Variants in ZYG11A observed in about 807,000 individuals in gnomAD.
ZYG11A encodes the protein zyg-11 family member A, cell cycle regulator, also known as protein zyg-11 homolog A.
Under a neutral mutation model 77.2 loss-of-function variants are expected in ZYG11A, and 62 were observed. The ratio of observed to expected loss-of-function variants is 0.80; its 90% CI spans 0.65 to 0.99. The LOEUF (loss-of-function observed/expected upper bound fraction) is 0.99. Among genes scored for constraint, ZYG11A ranks in the 50% least tolerant of loss-of-function variants. The probability of loss-of-function intolerance (pLI) is 0.00; values close to 1 mark genes in which losing one functional copy is unlikely to be tolerated. For synonymous variants in ZYG11A, 315 were observed against 324.6 expected (o/e 0.97, Z 0.32); for missense variants, 828 against 896.8 (o/e 0.92, Z 0.98).
intron 8 of ZYG11A, among the ~76,000 whole-genome samples, chr1:52,876,039 G>A (rs1383054895): frequency 1.3e-5 from 2 of 151,842 alleles, no homozygotes; most frequent in African/African-American, 4.8e-5. Flanking sequence ...GCAAATGCAA[G>A]TAGATTGGTA....
chr1:52,857,897 T>A, intron 3 of ZYG11A, 148 bp downstream of exon 3: 5 of 585,132 alleles, frequency 8.5e-6, no homozygotes, highest in Non-Finnish European at 1.4e-5. Context: ...ATGATTATTA[T>A]GTACCTACTA....
chr1:52,869,292 A>C (rs1646092866), intron 8 of ZYG11A, among the ~76,000 whole-genome samples: 1 of 123,134 alleles, frequency 8.1e-6, no homozygotes, highest in African/African-American at 3.2e-5. Context: ...TTTCTCGCAG[A>C]GGGGGATTTG....
intron 1 of ZYG11A, among the ~76,000 whole-genome samples, chr1:52,850,455 A>C (rs567127800): frequency 1.4e-4 from 21 of 151,834 alleles, no homozygotes; most frequent in Non-Finnish European, 2.8e-4. Flanking sequence ...AATAGCTGAG[A>C]TTACAGGTGC....
intron 8 of ZYG11A, among the ~76,000 whole-genome samples, chr1:52,870,196 G>T (rs182519711): frequency 1.5e-5 from 1 of 65,860 alleles, no homozygotes; most frequent in African/African-American, 3.3e-5. Context: ...TGGCGGCCGG[G>T]AAGAGACGCT....
intron 1 of ZYG11A, among the ~76,000 whole-genome samples, chr1:52,850,216 T>C (rs1280392271): frequency 6.6e-6 from 1 of 152,018 alleles, no homozygotes; most frequent in African/African-American, 2.4e-5. Context: ...AGTGGCACAA[T>C]CTCAGCTCAC....
At chr1:52,871,752 A>C (rs562001301) in intron 8 of ZYG11A, among the ~76,000 whole-genome samples, 6 of 152,266 alleles carry the variant, frequency 3.9e-5, no homozygotes, top group African/African-American at 1.4e-4. Context: ...TCTTTTAGTT[A>C]TCCTTATCTA....
intron 1 of ZYG11A, among the ~76,000 whole-genome samples, chr1:52,847,442 G>A (rs754355822): frequency 2.0e-5 from 3 of 151,308 alleles, no homozygotes; most frequent in Non-Finnish European, 4.4e-5. Flanking sequence ...TCAGGTGATC[G>A]GCCCGCCTTG....
intron 1 of ZYG11A, among the ~76,000 whole-genome samples, chr1:52,847,843 T>C (rs1380861335): frequency 3.0e-5 from 2 of 66,384 alleles, no homozygotes; most frequent in Non-Finnish European, 6.4e-5. Context: ...CTAATTTATT[T>C]ATTTATTTAT....
intron 5 of ZYG11A, among the ~76,000 whole-genome samples, chr1:52,864,650 A>T (rs982715341): frequency 6.6e-6 from 1 of 151,182 alleles, no homozygotes. Flanking sequence ...TGAGGCTAAA[A>T]TTTTCTTTTT....
intron 3 of ZYG11A, among the ~76,000 whole-genome samples, chr1:52,859,378 C>T (rs1645879701): frequency 6.6e-6 from 1 of 152,066 alleles, no homozygotes; most frequent in Non-Finnish European, 1.5e-5. Flanking sequence ...CTCTGTCGCC[C>T]AGGCTGGAGT....
At chr1:52,881,287 G>A (rs1377221636) in intron 10 of ZYG11A, 184 bp from the exon 11 acceptor site, 1 of 486,808 alleles carries the variant, frequency 2.1e-6, no homozygotes, top group Non-Finnish European at 3.6e-6. Context: ...AGTGATTGTT[G>A]TTAATGATCA....
chr1:52,860,621 A>T, intron 3 of ZYG11A, 110 bp from the exon 4 acceptor site: 1 of 1,198,832 alleles, frequency 8.3e-7, no homozygotes, highest in Admixed American at 2.4e-5. Context: ...TTAATTGAAC[A>T]TTTGTTGTTA....
At chr1:52,856,022 T>C (rs1286402349) in intron 2 of ZYG11A, among the ~76,000 whole-genome samples, 1 of 152,236 alleles carries the variant, frequency 6.6e-6, no homozygotes, top group Non-Finnish European at 1.5e-5. Flanking sequence ...ACTCATTATC[T>C]TTTTGAGGAA....
rs1236854914 is a variant in ZYG11A at position 52,864,581 on chromosome 1, AAG to A, written c.1326+428_1326+429del. Among the ~76,000 whole-genome samples, 10 of 152,282 alleles carry A rather than the reference AAG, an allele frequency of 6.6e-5. No homozygotes were observed. In the South Asian group the frequency reaches 1.5e-3, roughly 22 times the overall value. On this transcript the variant is annotated intron_variant, in intron 5 of 13. Coordinates refer to ENST00000371528, the MANE Select transcript of ZYG11A (RefSeq NM_001004339.3). ...TTCTGGTTTTTCATCCTATTAGAGAAAGAGAATAGATAAAAGAGTGTGTTTGT... is the reference window on the plus strand; with the variant it reads ...TTCTGGTTTTTCATCCTATTAGAGAAAGAATAGATAAAAGAGTGTGTTTGT...
At position 52,885,152 on chromosome 1, in the gene ZYG11A, T is replaced by C. The variant is rs528168063; in HGVS notation, c.1945-681T>C. On this transcript the variant is annotated intron_variant, in intron 11 of 13. Coordinates refer to ENST00000371528, the MANE Select transcript of ZYG11A (RefSeq NM_001004339.3). Reference sequence around the variant, plus strand: ...CTCAAACTCCTGACCCCAGGTGATCTACCCGCCTTGGCCTCCCAAGTGCTG... The same window carrying C: ...CTCAAACTCCTGACCCCAGGTGATCCACCCGCCTTGGCCTCCCAAGTGCTG... 5.9e-5 allele frequency among the ~76,000 whole-genome samples: 9 copies of C among 152,112 alleles called. No homozygotes were observed. In the South Asian group the frequency reaches 1.9e-3, roughly 32 times the overall value.
At chr1:52,868,196 C>G (rs1646065608) in intron 8 of ZYG11A, among the ~76,000 whole-genome samples, 2 of 151,734 alleles carry the variant, frequency 1.3e-5, no homozygotes, top group Non-Finnish European at 2.9e-5. Context: ...GAACTCCTGA[C>G]CTCGTGATCT....
intron 8 of ZYG11A, among the ~76,000 whole-genome samples, chr1:52,870,269 C>G (rs1032514619): frequency 1.3e-5 from 2 of 148,404 alleles, no homozygotes; most frequent in Admixed American, 6.7e-5. Context: ...GACTGGGCAG[C>G]CAGGCAGAGG....
intron 1 of ZYG11A, among the ~76,000 whole-genome samples, chr1:52,853,785 G>A (rs550657541): frequency 6.6e-6 from 1 of 152,218 alleles, no homozygotes; most frequent in Non-Finnish European, 1.5e-5. Flanking sequence ...GCATGGGCTT[G>A]TAGTCCCAGT....
intron 5 of ZYG11A, among the ~76,000 whole-genome samples, chr1:52,864,794 G>A (rs1054095576): frequency 6.7e-6 from 1 of 150,228 alleles, no homozygotes; most frequent in Non-Finnish European, 1.5e-5. Flanking sequence ...ACAGGCGCTC[G>A]CCACCATGCC....
Sources: gnomAD v4.1 joint callset for allele counts (sites outside exome capture counted in the v4.1 genomes callset) on GRCh38, gnomAD v4.1.1 for gene constraint, MANE v1.5 for transcripts, NCBI Gene and HGNC (gene_info 2026-07-23, HGNC 2026-07-21) for gene names.